Variants in TRIM24 observed in about 807,000 individuals in gnomAD.
TRIM24 encodes the protein transcription intermediary factor 1-alpha.
In TRIM24, 29 loss-of-function variants were observed where a neutral mutation model predicts 123.9. The ratio of observed to expected loss-of-function variants is 0.23; its 90% CI spans 0.17 to 0.32. TRIM24 has a LOEUF of 0.32. TRIM24 is among the 10% of genes least tolerant of loss of function. The probability of loss-of-function intolerance (pLI) is 1.00; values close to 1 mark genes in which losing one functional copy is unlikely to be tolerated. For synonymous variants in TRIM24, 456 were observed against 461.1 expected (o/e 0.99, Z 0.14); for missense variants, 932 against 1,295.3 (o/e 0.72, Z 4.31).
intron 1 of TRIM24, among the ~76,000 whole-genome samples, chr7:138,464,593 A>G (rs536460911): frequency 3.5e-4 from 53 of 152,188 alleles, no homozygotes; most frequent in Middle Eastern, 3.4e-3. Context: ...GGATTTTTGA[A>G]CAAAATTTTT....
chr7:138,536,903 C>T (rs978957024), intron 6 of TRIM24, among the ~76,000 whole-genome samples: 23 of 152,202 alleles, frequency 1.5e-4, no homozygotes, highest in Non-Finnish European at 3.1e-4. Flanking sequence ...CCTACTCAAG[C>T]CTCAGCAATG....
intron 5 of TRIM24, among the ~76,000 whole-genome samples, chr7:138,527,353 C>T (rs533117296): frequency 3.9e-5 from 6 of 152,212 alleles, no homozygotes; most frequent in Non-Finnish European, 7.4e-5. Flanking sequence ...AAAAATTAAA[C>T]AATCTTTGTT....
At position 138,577,382 on chromosome 7, in the gene TRIM24, A is replaced by ATTCT. The variant is rs758664829; in HGVS notation, c.2088-36_2088-33dup. On this transcript the variant is annotated intron_variant, in intron 13 of 18. Coordinates refer to ENST00000343526, the MANE Select transcript of TRIM24 (RefSeq NM_015905.3). Reference sequence around the variant, plus strand: ...CTTTTTATGAGGTATTTAGCTTAACATTCTTAGATTGCTTTTTCTTCTCTC... The same window carrying ATTCT: ...CTTTTTATGAGGTATTTAGCTTAACATTCTTTCTTAGATTGCTTTTTCTTCTCTC... 4.8e-6 allele frequency: 7 copies of ATTCT among 1,452,372 alleles called. No homozygotes were observed. In the South Asian group the frequency reaches 1.1e-4, roughly 22 times the overall value. 90.0% of individuals were successfully genotyped at this position (1,452,372 alleles called of 1,614,324 possible).
intron 1 of TRIM24, among the ~76,000 whole-genome samples, chr7:138,469,533 C>T (rs369810716): frequency 1.3e-5 from 2 of 152,006 alleles, no homozygotes; most frequent in African/African-American, 4.8e-5. Flanking sequence ...AACTGCTGAC[C>T]TCAGGTAATC....
intron 9 of TRIM24, among the ~76,000 whole-genome samples, chr7:138,565,603 A>G (rs1797519874): frequency 6.6e-6 from 1 of 152,184 alleles, no homozygotes; most frequent in Admixed American, 6.5e-5. Context: ...GCCCCCAGAA[A>G]ATGTTTCAGG....
intron 1 of TRIM24, among the ~76,000 whole-genome samples, chr7:138,496,543 T>C (rs1488511074): frequency 2.6e-5 from 4 of 152,240 alleles, no homozygotes; most frequent in Non-Finnish European, 5.9e-5. Context: ...TCATTAAATA[T>C]ATATTAGCTG....
chr7:138,538,635 GA>G, intron 6 of TRIM24, 21 bp from the exon 7 acceptor site: 2 of 1,612,950 alleles, frequency 1.2e-6, no homozygotes, highest in Non-Finnish European at 1.7e-6. Context: ...TACTAATTTT[GA>G]AACTATTTTC....
At chr7:138,542,410 AATATACTATT>A (rs1797023125) in intron 7 of TRIM24, among the ~76,000 whole-genome samples, 1 of 152,220 alleles carries the variant, frequency 6.6e-6, no homozygotes, top group Non-Finnish European at 1.5e-5. Context: ...GCACAAACAG[AATATACTATT>A]TATGTTTGCT....
chr7:138,565,261 T>C (rs1293388182), intron 9 of TRIM24, among the ~76,000 whole-genome samples: 8 of 152,060 alleles, frequency 5.3e-5, no homozygotes, highest in Non-Finnish European at 8.8e-5. Flanking sequence ...GGTGTGAGCT[T>C]GTGAGCTTCC....
At chr7:138,581,525 C>G (rs561953270) in intron 16 of TRIM24, among the ~76,000 whole-genome samples, 172 bp from the exon 17 acceptor site, 3 of 152,208 alleles carry the variant, frequency 2.0e-5, no homozygotes, top group African/African-American at 7.2e-5. Flanking sequence ...AGGGCCTGTT[C>G]CCAAATATTG....
chr7:138,580,641 T>G lies in TRIM24; in HGVS notation c.2665T>G (p.Ser889Ala), dbSNP rs372122336. The change falls in exon 16 of 19, where the codon TCA becomes GCA. Residue 889 changes from serine (S) to alanine (A), a missense_variant. Physicochemically the swap from Ser to Ala is moderately conservative, Grantham distance 99 (BLOSUM62 1). Coordinates refer to ENST00000343526, the MANE Select transcript of TRIM24 (RefSeq NM_015905.3). Reference sequence around the variant, plus strand: ...TGATTGTGATGCTCCCAGTCACAACTCAGAAAAAAAGAAAACTGAAGGCCT... The same window carrying G: ...TGATTGTGATGCTCCCAGTCACAACGCAGAAAAAAAGAAAACTGAAGGCCT... ...EYDCDAPSHN[S>A]EKKKTEGLVK... The G allele has an allele frequency of 3.7e-5, 60 of 1,613,740 alleles. 1 individual carries two copies. In the African/African-American group the frequency reaches 6.3e-4, roughly 17 times the overall value.
chr7:138,541,030 G>A (rs181097138), intron 7 of TRIM24, among the ~76,000 whole-genome samples: 18 of 152,226 alleles, frequency 1.2e-4, no homozygotes, highest in African/African-American at 4.1e-4. Context: ...TAAGAGATGG[G>A]GTTTCCCTAT....
chr7:138,466,442 C>A (rs1795140019), intron 1 of TRIM24, among the ~76,000 whole-genome samples: 1 of 125,346 alleles, frequency 8.0e-6, no homozygotes, highest in African/African-American at 2.9e-5. Flanking sequence ...TTGTCTTTTG[C>A]AAATTTCAAA....
chr7:138,562,073 G>T (rs1797438963), intron 9 of TRIM24, among the ~76,000 whole-genome samples: 1 of 152,148 alleles, frequency 6.6e-6, no homozygotes, highest in Non-Finnish European at 1.5e-5. Flanking sequence ...GCAGATTTGA[G>T]CCTTCTTCCT....
chr7:138,537,391 T>TG (rs1796910423), intron 6 of TRIM24, among the ~76,000 whole-genome samples: 3 of 127,720 alleles, frequency 2.3e-5, no homozygotes, highest in South Asian at 5.6e-4. Context: ...TTTTTTTTTT[T>TG]TTTTTTTTTT....
At chr7:138,544,119 A>C (rs1797056123) in intron 7 of TRIM24, among the ~76,000 whole-genome samples, 2 of 152,156 alleles carry the variant, frequency 1.3e-5, no homozygotes, top group African/African-American at 4.8e-5. Flanking sequence ...TACTCTGTAC[A>C]TTAAATCTCA....
rs1798003848 is a variant in TRIM24, at chr7:138,585,763, C to T, written c.*812C>T. 1 of 520,604 alleles carries T rather than the reference C, an allele frequency of 1.9e-6. No homozygotes were observed. The highest frequency in any genetic ancestry group is 1.4e-5 in the South Asian group (1 of 70,616). 32.2% of individuals were successfully genotyped at this position (520,604 alleles called of 1,614,324 possible). On this transcript the variant is annotated 3_prime_UTR_variant, in exon 19 of 19. Transcript: ENST00000343526. The stretch of plus-strand genomic sequence containing the variant: ...TGTGAGGTTTAATTGTACAGGTGAT[C>T]CTTTTACAACAAGCCTCATTGTTTG...
intron 4 of TRIM24, among the ~76,000 whole-genome samples, chr7:138,521,792 A>G (rs1349995854): frequency 1.3e-5 from 2 of 152,226 alleles, no homozygotes; most frequent in Non-Finnish European, 2.9e-5. Context: ...AAGATGGTAT[A>G]GTAGACAAAA....
chr7:138,460,663 C>G lies in TRIM24; in HGVS notation c.115C>G (p.Pro39Ala). Residue 39 changes from proline (P) to alanine (A), a missense_variant, in exon 1 of 19, where the codon CCG becomes GCG. Around this residue, in one of 7 missense-constraint regions of TRIM24, gnomAD observed 164 missense variants for 181.9 expected, o/e 0.90. Transcript: ENST00000343526. ...GENEAESRQGPDSERGGEAAR... is the reference protein window; with the variant it reads ...GENEAESRQGADSERGGEAAR... ...GAACGAGGCCGAGAGTCGGCAGGGC[C>G]CGGACTCGGAGCGCGGCGGCGAGGC... 2 of 1,502,352 alleles carry G rather than the reference C, an allele frequency of 1.3e-6. No individual in the cohort carries two copies. Among genetic ancestry groups the G allele is most frequent in the Non-Finnish European group, 1.8e-6 (2 of 1,131,334 alleles). 93.1% of individuals were successfully genotyped at this position (1,502,352 alleles called of 1,614,324 possible). A position where few individuals can be genotyped will look rare whatever the true frequency, so the allele number is the denominator to read the frequency against.
Sources: gnomAD v4.1 joint callset for allele counts (sites outside exome capture counted in the v4.1 genomes callset) on GRCh38, gnomAD v4.1.1 for gene constraint, gnomAD v4.1.1 regional missense constraint, MANE v1.5 for transcripts, NCBI Gene and HGNC (gene_info 2026-07-23, HGNC 2026-07-21) for gene names.